DYRK2: variants seen among roughly 807,000 people sequenced by gnomAD.
DYRK2 encodes dual specificity tyrosine phosphorylation regulated kinase 2, also known as dual specificity tyrosine-phosphorylation-regulated kinase 2.
In DYRK2, 12 loss-of-function variants were observed where a neutral mutation model predicts 41.6. The observed-to-expected ratio is 0.29, with a 90% CI of 0.18 to 0.47. The LOEUF is 0.47. Among genes scored for constraint, DYRK2 ranks in the 20% least tolerant of loss-of-function variants. The pLI is 1.00. For missense variants in DYRK2, 678 were observed against 798.4 expected, an observed-to-expected ratio of 0.85 and a Z score of 1.82; for synonymous variants, 322 against 315.7, an observed-to-expected ratio of 1.02 and a Z score of -0.21.
Position 67,657,028 on chromosome 12 carries a change from GTGT to G in DYRK2, c.199-72_199-70del. On this transcript the variant is annotated intron_variant, in intron 2 of 2. Coordinates refer to ENST00000344096, the MANE Select transcript of DYRK2 (RefSeq NM_006482.3). The surrounding 1 kb of genome is among the most constrained non-coding windows in gnomAD (Gnocchi z 4.8). Reference sequence around the variant, plus strand: ...TGTAAATGTGAGGTTGGGGGCGGTGGTGTTGTTGGGGGTTACTTATACACCATT... The same window carrying G: ...TGTAAATGTGAGGTTGGGGGCGGTGGTGTTGGGGGTTACTTATACACCATT... 7.1e-7 allele frequency: 1 copy of G among 1,399,142 alleles called. No individual in the cohort carries two copies. The highest frequency in any genetic ancestry group is 9.5e-7 in the Non-Finnish European group (1 of 1,054,016). The allele number at this position is 1,399,142 out of a possible 1,614,324, so 86.7% of individuals were successfully genotyped here.
intron 2 of DYRK2, chr12:67,651,456 A>G (rs1872318948): frequency 2.6e-6 from 1 of 383,844 alleles, no homozygotes; most frequent in South Asian, 2.0e-5. Context: ...ATTGAAATAC[A>G]TGTAATGAAA....
chr12:67,650,723 C>G (rs1187037970), intron 2 of DYRK2, among the ~76,000 whole-genome samples: 1 of 152,158 alleles, frequency 6.6e-6, no homozygotes, highest in Non-Finnish European at 1.5e-5. Context: ...AAAGCATGTA[C>G]CTTTTCTCAG....
chr12:67,665,002 C>T lies in DYRK2; in HGVS notation c.*6289C>T, dbSNP rs980762634. On this transcript the variant is annotated 3_prime_UTR_variant, in exon 3 of 3. Transcript: ENST00000344096. ...GGGATTAAAAGTTAAATTTTACTGA[C>T]TGTAGCAGCAGGTAAATCTCTTAAA... The T allele has an allele frequency of 2.0e-5, 3 of 152,110 alleles. No individual in the cohort carries two copies. Among genetic ancestry groups the T allele is most frequent in the African/African-American group, 7.2e-5 (3 of 41,414 alleles). 9.4% of individuals were successfully genotyped at this position (152,110 alleles called of 1,614,324 possible).
Position 67,664,288 on chromosome 12 carries a change from C to G in DYRK2, c.*5575C>G, listed in dbSNP as rs1265190934. ...ATGGGGTGGGAGCATAATTGCCATT[C>G]CCATGTGTCTCAAGGAAGCTTAATG... On this transcript the variant is annotated 3_prime_UTR_variant, in exon 3 of 3. Coordinates refer to ENST00000344096, the MANE Select transcript of DYRK2 (RefSeq NM_006482.3). 1.3e-5 allele frequency: 2 copies of G among 152,028 alleles called. No individual in the cohort carries two copies. The highest frequency in any genetic ancestry group is 1.3e-4 in the Admixed American group (2 of 15,248). The allele number at this position is 152,028 out of a possible 1,614,324, so 9.4% of individuals were successfully genotyped here. A position where few individuals can be genotyped will look rare whatever the true frequency, so the allele number is the denominator to read the frequency against.
chr12:67,655,917 A>G (rs1054355315), intron 2 of DYRK2, among the ~76,000 whole-genome samples: 7 of 152,242 alleles, frequency 4.6e-5, no homozygotes, highest in East Asian at 3.8e-4. Context: ...TACTGATGGC[A>G]GTGGACTTCA....
rs1370850931 is a variant in DYRK2, at chr12:67,660,866, G to T, written c.*2153G>T. The T allele has an allele frequency of 1.2e-5, 2 of 166,604 alleles. No individual in the cohort carries two copies. Among genetic ancestry groups the T allele is most frequent in the South Asian group, 2.1e-4 (1 of 4,824 alleles). The allele number at this position is 166,604 out of a possible 1,614,324, so 10.3% of individuals were successfully genotyped here. A position where few individuals can be genotyped will look rare whatever the true frequency, so the allele number is the denominator to read the frequency against. The stretch of plus-strand genomic sequence containing the variant: ...TTCTAATGCTCCTCTTCCATTTCCA[G>T]TTATCTTCACATTTACATTTAAATA... On this transcript the variant is annotated 3_prime_UTR_variant, in exon 3 of 3. Coordinates refer to ENST00000344096, the MANE Select transcript of DYRK2 (RefSeq NM_006482.3).
intron 1 of DYRK2, 138 bp downstream of exon 1, chr12:67,649,320 C>A (rs1202726849): frequency 1.6e-6 from 1 of 610,564 alleles, no homozygotes; most frequent in East Asian, 4.9e-5. Flanking sequence ...GGGCGGACGA[C>A]GCGCCCCGGG....
intron 2 of DYRK2, among the ~76,000 whole-genome samples, chr12:67,650,405 T>C (rs1872286151): frequency 6.6e-6 from 1 of 152,232 alleles, no homozygotes; most frequent in Non-Finnish European, 1.5e-5. Context: ...CTCCCAGGCC[T>C]GGCTCCAGCC....
intron 1 of DYRK2, 110 bp from the exon 2 acceptor site, chr12:67,649,686 TC>T: frequency 8.5e-7 from 1 of 1,173,154 alleles, no homozygotes; most frequent in South Asian, 4.2e-5. Flanking sequence ...GGTCTCTTCC[TC>T]CGTCTTTCTT....
chr12:67,650,578 A>G (rs960547013), intron 2 of DYRK2, among the ~76,000 whole-genome samples: 5 of 152,246 alleles, frequency 3.3e-5, no homozygotes, highest in Non-Finnish European at 7.3e-5. Context: ...GACATTATTC[A>G]AAAGGAAAGG....
chr12:67,651,735 G>A (rs1227184676), intron 2 of DYRK2: 3 of 395,226 alleles, frequency 7.6e-6, no homozygotes, highest in Non-Finnish European at 1.5e-5. Flanking sequence ...GTACAGGAAA[G>A]GTTACAAGGA....
In DYRK2 at chr12:67,664,920, T is replaced by G. The variant is rs1389763528; in HGVS notation, c.*6207T>G. The G allele has an allele frequency of 9.9e-5, 15 of 151,666 alleles. No homozygotes were observed. The highest frequency in any genetic ancestry group is 5.3e-4 in the Admixed American group (8 of 15,228). 9.4% of individuals were successfully genotyped at this position (151,666 alleles called of 1,614,324 possible). A position where few individuals can be genotyped will look rare whatever the true frequency, so the allele number is the denominator to read the frequency against. ...ATTCTTTATTTTCTGTGTTCTTAAA[T>G]TTTTTTTTACATTTGAAAGTATGAA... is the stretch of plus-strand genomic sequence containing the variant. On this transcript the variant is annotated 3_prime_UTR_variant, in exon 3 of 3. Coordinates refer to ENST00000344096, the MANE Select transcript of DYRK2 (RefSeq NM_006482.3).
At chr12:67,652,385 T>C (rs1050662305) in intron 2 of DYRK2, 3 of 152,212 alleles carry the variant, frequency 2.0e-5, no homozygotes, top group African/African-American at 7.2e-5. Context: ...TGTTTTACTA[T>C]GTAAAACACT....
chr12:67,658,040 G>C lies in DYRK2; in HGVS notation c.1133G>C (p.Arg378Pro). Residue 378 changes from arginine (R) to proline (P), a missense_variant, in exon 3 of 3, where the codon CGT (arginine) becomes CCT (proline). Arg to Pro is a moderately radical substitution (Grantham distance 103). Transcript: ENST00000344096. The surrounding 1 kb of genome is among the most constrained non-coding windows in gnomAD (Gnocchi z 4.3). ...DFGSSCYEHQ[R>P]VYTYIQSRFY... ...GGCTCCAGTTGTTACGAGCATCAGC[G>C]TGTCTACACGTACATCCAGTCGCGT... The C allele has an allele frequency of 6.2e-7, 1 of 1,614,226 alleles. No homozygotes were observed. Among genetic ancestry groups the C allele is most frequent in the Non-Finnish European group, 8.5e-7 (1 of 1,180,042 alleles).
Position 67,649,914 on chromosome 12 carries a change from G to A in DYRK2, c.167G>A (p.Arg56Gln). 1 of 1,382,598 alleles carries A rather than the reference G, an allele frequency of 7.2e-7. No individual in the cohort carries two copies. Among genetic ancestry groups the A allele is most frequent in the Non-Finnish European group, 9.3e-7 (1 of 1,075,004 alleles). 85.6% of individuals were successfully genotyped at this position (1,382,598 alleles called of 1,614,324 possible). Residue 56 changes from arginine to glutamine, a missense_variant, in exon 2 of 3, where the codon CGG becomes CAG. By Grantham distance (43) the Arg-to-Gln change is conservative (BLOSUM62 1). This residue lies in a region of DYRK2 where 285 missense variants were observed against 279.2 expected (regional missense o/e 1.02). Coordinates refer to ENST00000344096, the MANE Select transcript of DYRK2 (RefSeq NM_006482.3). ...PPSPIALPPL[R>Q]ASNAAAAAHT... ...TCCCCCATCGCCCTGCCGCCTCTCC[G>A]GGCCAGCAACGCTGCCGCCGCAGCC...
In DYRK2 at chr12:67,664,448, A is replaced by G. The variant is rs1308987257; in HGVS notation, c.*5735A>G. 6.6e-6 allele frequency: 1 copy of G among 152,166 alleles called. No individual in the cohort carries two copies. Among genetic ancestry groups the G allele is most frequent in the Non-Finnish European group, 1.5e-5 (1 of 68,008 alleles). The allele number at this position is 152,166 out of a possible 1,614,324, so 9.4% of individuals were successfully genotyped here. On this transcript the variant is annotated 3_prime_UTR_variant, in exon 3 of 3. Coordinates refer to ENST00000344096, the MANE Select transcript of DYRK2 (RefSeq NM_006482.3). Reference sequence around the variant, plus strand: ...GTTCCAGAAGAGCATTACCCCTTACATAGAAAGCTCCTTGGAGATTTCATG... The same window carrying G: ...GTTCCAGAAGAGCATTACCCCTTACGTAGAAAGCTCCTTGGAGATTTCATG...
intron 2 of DYRK2, among the ~76,000 whole-genome samples, chr12:67,652,933 G>A (rs988723584): frequency 2.0e-5 from 3 of 152,082 alleles, no homozygotes; most frequent in African/African-American, 7.3e-5. Flanking sequence ...GGGTTCAAGC[G>A]ATTCTCTTGC....
chr12:67,658,106 G>A lies in DYRK2; in HGVS notation c.1199G>A (p.Gly400Asp), dbSNP rs1221700522. 1.9e-6 allele frequency: 3 copies of A among 1,614,216 alleles called. No homozygotes were observed. Among genetic ancestry groups the A allele is most frequent in the South Asian group, 2.2e-5 (2 of 91,080 alleles). Residue 400 changes from glycine to aspartate, a missense_variant, in exon 3 of 3, where the codon GGC (glycine) becomes GAC (aspartate). By Grantham distance (94) the Gly-to-Asp change is moderately conservative (BLOSUM62 -1). Around this residue, in one of 2 missense-constraint regions of DYRK2, gnomAD observed 393 missense variants for 519.1 expected, o/e 0.76. Transcript: ENST00000344096. This position sits in a 1 kb window ranked among gnomAD's most constrained non-coding sequence, Gnocchi z 4.3. ...GAAGTGATCCTTGGGGCCAGGTATG[G>A]CATGCCCATTGATATGTGGAGCCTG... is the stretch of plus-strand genomic sequence containing the variant. ...APEVILGARYGMPIDMWSLGC... is the reference protein window; with the variant it reads ...APEVILGARYDMPIDMWSLGC...
Position 67,649,096 on chromosome 12 carries a change from G to A in DYRK2, c.-38G>A. On this transcript the variant is annotated 5_prime_UTR_variant, in exon 1 of 3. Transcript: ENST00000344096. ...AAGTAGCAGCAGGACCGGCGGCGGC[G>A]ACGGCAGCCCTGAAATGCATTTTCC... is the stretch of plus-strand genomic sequence containing the variant. The A allele has an allele frequency of 1.4e-6, 2 of 1,471,842 alleles. No homozygotes were observed. The highest frequency in any genetic ancestry group is 1.8e-6 in the Non-Finnish European group (2 of 1,106,000). The allele number at this position is 1,471,842 out of a possible 1,614,324, so 91.2% of individuals were successfully genotyped here. A position where few individuals can be genotyped will look rare whatever the true frequency, so the allele number is the denominator to read the frequency against.
Sources: allele counts gnomAD v4.1 joint callset (sites outside exome capture counted in the v4.1 genomes callset), GRCh38; gene constraint gnomAD v4.1.1; regional missense constraint gnomAD v4.1.1; non-coding constraint Gnocchi (gnomAD v3.1); transcripts MANE v1.5; gene names NCBI Gene and HGNC (gene_info 2026-07-23, HGNC 2026-07-21).